The following ZBTB40 variants were observed in gnomAD, a reference collection of about 807,000 sequenced individuals.
ZBTB40 encodes zinc finger and BTB domain containing 40, also known as zinc finger and BTB domain-containing protein 40.
Under a neutral mutation model 117.5 loss-of-function variants are expected in ZBTB40, and 60 were observed. The observed-to-expected ratio is 0.51, with a 90% CI of 0.41 to 0.63. ZBTB40 has a LOEUF of 0.63. Among genes scored for constraint, ZBTB40 ranks in the 30% least tolerant of loss-of-function variants. ZBTB40 has a pLI of 0.00. For synonymous variants in ZBTB40, 525 were observed against 577.1 expected (o/e 0.91, Z 1.29); for missense variants, 1,287 against 1,498.5 (o/e 0.86, Z 2.33).
intron 3 of ZBTB40, among the ~76,000 whole-genome samples, chr1:22,493,932 T>G (rs563304109): frequency 6.6e-6 from 1 of 152,220 alleles, no homozygotes; most frequent in East Asian, 1.9e-4. Context: ...CTCTACTATT[T>G]ACTAGCATTG....
At chr1:22,501,361 G>T in intron 3 of ZBTB40, 131 bp from the exon 4 acceptor site, 1 of 929,866 alleles carries the variant, frequency 1.1e-6, no homozygotes. Context: ...GGGGAAGAAA[G>T]TGCAGTGGGT....
chr1:22,477,794 C>T (rs936758293), intron 1 of ZBTB40, among the ~76,000 whole-genome samples: 12 of 152,148 alleles, frequency 7.9e-5, no homozygotes, highest in African/African-American at 2.2e-4. Flanking sequence ...GTGATCCTCC[C>T]GCCTCGGCCT....
intron 7 of ZBTB40, 136 bp downstream of exon 7, chr1:22,508,273 A>G (rs1157195726): frequency 2.6e-6 from 3 of 1,137,954 alleles, no homozygotes; most frequent in African/African-American, 3.1e-5. Context: ...TAGAGGAGAA[A>G]TAGAAGGTAT....
chr1:22,513,893 T>C lies in ZBTB40; in HGVS notation c.2668+763T>C, dbSNP rs1056378008. Among the ~76,000 whole-genome samples, 6 of 152,156 alleles carry C rather than the reference T, an allele frequency of 3.9e-5. No homozygotes were observed. The highest frequency in any genetic ancestry group is 1.4e-4 in the African/African-American group (6 of 41,424). ...TTGTGGTTTTTGCCATTAAAAGTTA[T>C]AGAGAATTTACATAAAATTATTTGA... On this transcript the variant is annotated intron_variant, in intron 12 of 17. Transcript: ENST00000375647. This position sits in a 1 kb window ranked among gnomAD's most constrained non-coding sequence, Gnocchi z 4.9.
chr1:22,484,236 T>TG (rs571502003), intron 1 of ZBTB40, among the ~76,000 whole-genome samples: 251 of 152,370 alleles, frequency 1.6e-3, no homozygotes, highest in Middle Eastern at 3.4e-3. Flanking sequence ...ATTTTGGTCA[T>TG]GGGGAAGATC....
In ZBTB40 at chr1:22,521,554, A is replaced by G. The variant is rs1052734375; in HGVS notation, c.3107A>G (p.Gln1036Arg). The G allele has an allele frequency of 6.2e-7, 1 of 1,614,228 alleles. No homozygotes were observed. The highest frequency in any genetic ancestry group is 8.5e-7 in the Non-Finnish European group (1 of 1,180,040). Residue 1036 changes from glutamine (Q) to arginine (R), a missense_variant, in exon 15 of 18, where the codon CAG becomes CGG. Gln to Arg is a conservative substitution (Grantham distance 43). Transcript: ENST00000375647. Reference sequence around the variant, plus strand: ...CACCACCCTGACGTATTTGCTGCTCAGAACCACCGATCTTCCAAGTTCTCA... The same window carrying G: ...CACCACCCTGACGTATTTGCTGCTCGGAACCACCGATCTTCCAAGTTCTCA... ...RTHHPDVFAAQNHRSSKFSSL... is the reference protein window; with the variant it reads ...RTHHPDVFAARNHRSSKFSSL...
chr1:22,466,001 C>T (rs180954695), intron 1 of ZBTB40, among the ~76,000 whole-genome samples: 78 of 152,322 alleles, frequency 5.1e-4, no homozygotes, highest in Admixed American at 6.5e-4. Context: ...CTCTGAAACC[C>T]CCCCTGTACC....
intron 12 of ZBTB40, among the ~76,000 whole-genome samples, chr1:22,515,190 C>T (rs1002009028): frequency 3.9e-5 from 6 of 152,056 alleles, no homozygotes; most frequent in South Asian, 2.1e-4. Flanking sequence ...GCTGCCTCCC[C>T]GGTGGAAACG....
At chr1:22,506,967 C>T (rs951687998) in intron 6 of ZBTB40, among the ~76,000 whole-genome samples, 12 of 152,102 alleles carry the variant, frequency 7.9e-5, no homozygotes, top group African/African-American at 2.9e-4. Flanking sequence ...TATGGTTTCC[C>T]CATGTAACAT....
chr1:22,457,126 T>G (rs1407826740), intron 1 of ZBTB40, among the ~76,000 whole-genome samples: 1 of 342 alleles, frequency 2.9e-3, no homozygotes, highest in Non-Finnish European at 0.019. Flanking sequence ...CTGTCTCTAT[T>G]TTTTTTTTTT....
At chr1:22,520,383 G>A in intron 14 of ZBTB40, 108 bp downstream of exon 14, 1 of 882,774 alleles carries the variant, frequency 1.1e-6, no homozygotes, top group Non-Finnish European at 1.8e-6. Flanking sequence ...CTTGTATCCA[G>A]GATGTGACAA....
intron 10 of ZBTB40, 103 bp downstream of exon 10, chr1:22,511,450 T>TC: frequency 6.7e-7 from 1 of 1,498,342 alleles, no homozygotes. Flanking sequence ...CAACCTTAAG[T>TC]TACGTATTCA....
Position 22,511,790 on chromosome 1 carries a change from G to T in ZBTB40, c.2117G>T (p.Gly706Val). 1 of 1,612,750 alleles carries T rather than the reference G, an allele frequency of 6.2e-7. No homozygotes were observed. Among genetic ancestry groups the T allele is most frequent in the Non-Finnish European group, 8.5e-7 (1 of 1,179,574 alleles). Reference sequence around the variant, plus strand: ...GCAGCCAAAGAAGACAGCCAGCCTGGGGAACAGAATGATCAAGGAGAGACT... The same window carrying T: ...GCAGCCAAAGAAGACAGCCAGCCTGTGGAACAGAATGATCAAGGAGAGACT... The part of the protein sequence containing the change: ...EKAAKEDSQP[G>V]EQNDQGETGS... The change falls in exon 11 of 18, where the codon GGG becomes GTG. Residue 706 changes from glycine (G) to valine (V), a missense_variant. Physicochemically the swap from Gly to Val is moderately radical, Grantham distance 109. Around this residue, in one of 2 missense-constraint regions of ZBTB40, gnomAD observed 870 missense variants for 934.4 expected, o/e 0.93. Coordinates refer to ENST00000375647, the MANE Select transcript of ZBTB40 (RefSeq NM_014870.4).
At position 22,526,098 on chromosome 1, in the gene ZBTB40, T is replaced by C. The variant is rs945847069; in HGVS notation, c.3526-104T>C. The stretch of plus-strand genomic sequence containing the variant: ...GGCACATGTAAGTGCTCTCCTCAGG[T>C]GAAAACATAAATATCATCATTACAG... On this transcript the variant is annotated intron_variant, in intron 17 of 17. Transcript: ENST00000375647. 5 of 1,396,560 alleles carry C rather than the reference T, an allele frequency of 3.6e-6. No homozygotes were observed. The Admixed American group carries it at 5.5e-5, about 15-fold the overall frequency. The allele number at this position is 1,396,560 out of a possible 1,614,324, so 86.5% of individuals were successfully genotyped here.
In ZBTB40 at chr1:22,440,226, T is replaced by A. The variant is rs1003709171; in HGVS notation, c.-70+11212T>A. On this transcript the variant is annotated intron_variant, in intron 1 of 8. Transcript: ENST00000650433. The stretch of plus-strand genomic sequence containing the variant: ...GCTCTAACAGGTTTTTTTGGTGGAA[T>A]CTTTACGGTTTTCTATATGTAAGAT... Among the ~76,000 whole-genome samples, 3 of 152,246 alleles carry A rather than the reference T, an allele frequency of 2.0e-5. No individual in the cohort carries two copies. The South Asian group carries it at 6.2e-4, about 31-fold the overall frequency.
chr1:22,437,342 A>G (rs915731502), intron 1 of ZBTB40, among the ~76,000 whole-genome samples: 2 of 151,914 alleles, frequency 1.3e-5, no homozygotes, highest in Non-Finnish European at 2.9e-5. Flanking sequence ...ACTCCAGGGA[A>G]CCCAGTCATG....
Position 22,511,670 on chromosome 1 carries a change from A to C in ZBTB40, c.2003-6A>C, listed in dbSNP as rs776580367. On this transcript the variant is annotated splice_region_variant and splice_polypyrimidine_tract_variant and intron_variant, in intron 10 of 17. Coordinates refer to ENST00000375647, the MANE Select transcript of ZBTB40 (RefSeq NM_014870.4). The stretch of plus-strand genomic sequence containing the variant: ...CGCAGAGCCACGAGATGTCTCTTTT[A>C]TGCAGGTGTCCTTACTAAGGAAGAT... 1 of 1,611,298 alleles carries C rather than the reference A, an allele frequency of 6.2e-7. No individual in the cohort carries two copies. The highest frequency in any genetic ancestry group is 8.5e-7 in the Non-Finnish European group (1 of 1,179,324).
At chr1:22,481,632 G>A (rs1638319449) in intron 1 of ZBTB40, among the ~76,000 whole-genome samples, 1 of 151,610 alleles carries the variant, frequency 6.6e-6, no homozygotes, top group African/African-American at 2.4e-5. Context: ...ACCCTCCCCA[G>A]AAACTTAAAA....
intron 1 of ZBTB40, among the ~76,000 whole-genome samples, chr1:22,478,661 A>G (rs1316871000): frequency 6.6e-6 from 1 of 152,256 alleles, no homozygotes; most frequent in East Asian, 1.9e-4. Flanking sequence ...TGCCTGGCAC[A>G]TAGTAAGCAC....
Sources: gnomAD v4.1 joint callset for allele counts (sites outside exome capture counted in the v4.1 genomes callset) on GRCh38, gnomAD v4.1.1 for gene constraint, gnomAD v4.1.1 regional missense constraint, Gnocchi (gnomAD v3.1) non-coding constraint, MANE v1.5 for transcripts, NCBI Gene and HGNC (gene_info 2026-07-23, HGNC 2026-07-21) for gene names.